Variants in RFC3 observed in about 807,000 individuals in gnomAD.
The protein encoded by RFC3 is A1 38 kDa subunit.
RFC3 carries 41 observed loss-of-function variants against 45.1 expected under a neutral mutation model. The observed-to-expected ratio is 0.91, with a 90% CI of 0.71 to 1.18. The LOEUF (loss-of-function observed/expected upper bound fraction) is 1.18. Among genes scored for constraint, RFC3 ranks in the 50% most tolerant of loss-of-function variants. RFC3 has a pLI of 0.00. For missense variants in RFC3, 423 were observed against 428.1 expected, an observed-to-expected ratio of 0.99 and a Z score of 0.10; for synonymous variants, 149 against 144.0, an observed-to-expected ratio of 1.03 and a Z score of -0.25.
At chr13:33,920,281 C>T (rs879618403) in intron 8 of RFC3, among the ~76,000 whole-genome samples, 1 of 152,094 alleles carries the variant, frequency 6.6e-6, no homozygotes, top group Admixed American at 6.6e-5. Context: ...CAACCAAATA[C>T]CCTCTCAAGA....
At chr13:33,862,872 T>A in intron 8 of RFC3, among the ~76,000 whole-genome samples, 1 of 152,204 alleles carries the variant, frequency 6.6e-6, no homozygotes, top group East Asian at 1.9e-4. Context: ...AAGGCCATCT[T>A]ACTTAGTCCA....
At chr13:33,925,183 CATATAGTGT>C (rs2082797821) in intron 8 of RFC3, among the ~76,000 whole-genome samples, 1 of 136,870 alleles carries the variant, frequency 7.3e-6, no homozygotes, top group Non-Finnish European at 1.5e-5. Context: ...TATACATACA[CATATAGTGT>C]ACTATATACA....
downstream of RFC3, among the ~76,000 whole-genome samples, chr13:33,841,954 C>T (rs969577641): frequency 2.0e-5 from 3 of 152,014 alleles, no homozygotes; most frequent in African/African-American, 7.2e-5. Context: ...TTATTTTCTC[C>T]ATGGTTTTAG....
chr13:33,876,273 C>T (rs778752287), intron 8 of RFC3, among the ~76,000 whole-genome samples: 10 of 152,200 alleles, frequency 6.6e-5, no homozygotes, highest in East Asian at 3.8e-4. Flanking sequence ...GCTAGAGAAG[C>T]GCTTCCGTGG....
At chr13:33,830,099 C>T (rs1203090881) in intron 5 of RFC3, 82 bp downstream of exon 5, 16 of 1,270,534 alleles carry the variant, frequency 1.3e-5, no homozygotes, top group South Asian at 5.2e-5. Context: ...AGAAGGGAAT[C>T]GTATCAGTAA....
chr13:33,900,591 C>T (rs551634677), intron 8 of RFC3, among the ~76,000 whole-genome samples: 1 of 151,682 alleles, frequency 6.6e-6, no homozygotes, highest in South Asian at 2.1e-4. Flanking sequence ...TAGAAGAAAA[C>T]TCTGGGGAAA....
In RFC3 at chr13:33,870,267, GTTTA is replaced by G. The variant is rs772762558; in HGVS notation, c.879+35053_879+35056del. 5.3e-5 allele frequency among the ~76,000 whole-genome samples: 8 copies of G among 152,298 alleles called. No homozygotes were observed. The South Asian group carries it at 1.2e-3, about 24-fold the overall frequency. On this transcript the variant is annotated intron_variant, in intron 8 of 8. Coordinates refer to the RFC3 transcript ENST00000434425. ...CAGTGCCAGGTGCCTGGGTGGGCTT[GTTTA>G]TTCAGAAGAAATGAAACATAAATTG...
At chr13:33,914,075 G>C (rs150447349) in intron 8 of RFC3, among the ~76,000 whole-genome samples, 1 of 152,236 alleles carries the variant, frequency 6.6e-6, no homozygotes, top group African/African-American at 2.4e-5. Context: ...GATTGGAAAT[G>C]ATGATAAAAG....
At position 33,884,555 on chromosome 13, in the gene RFC3, G is replaced by A. The variant is rs145947425; in HGVS notation, c.879+49338G>A. Among the ~76,000 whole-genome samples the A allele has an allele frequency of 1.1e-4, 16 of 152,226 alleles. No homozygotes were observed. The East Asian group carries it at 2.9e-3, about 28-fold the overall frequency. Reference sequence around the variant, plus strand: ...TATGCTGGAGATGAACTGTGTAAGGGTACCAACCCTGTTTTGTTCATAAAG... The same window carrying A: ...TATGCTGGAGATGAACTGTGTAAGGATACCAACCCTGTTTTGTTCATAAAG... On this transcript the variant is annotated intron_variant, in intron 8 of 8. Transcript: ENST00000434425.
chr13:33,961,514 C>A (rs2083056981), intron 8 of RFC3, among the ~76,000 whole-genome samples: 1 of 152,150 alleles, frequency 6.6e-6, no homozygotes. Flanking sequence ...CACATCATAG[C>A]TGTTCAATAT....
At chr13:33,828,349 G>A (rs757196660) in intron 4 of RFC3, among the ~76,000 whole-genome samples, 2 of 151,998 alleles carry the variant, frequency 1.3e-5, no homozygotes, top group Admixed American at 6.6e-5. Flanking sequence ...TTCCTAGCTC[G>A]GCTACCCACA....
intron 8 of RFC3, among the ~76,000 whole-genome samples, chr13:33,891,243 G>A (rs2082561670): frequency 6.6e-6 from 1 of 152,100 alleles, no homozygotes; most frequent in Admixed American, 6.6e-5. Flanking sequence ...CAAAATGCTG[G>A]CAGAAAATCA....
chr13:33,821,404 A>G, intron 2 of RFC3, 135 bp downstream of exon 2: 1 of 824,618 alleles, frequency 1.2e-6, no homozygotes, highest in Non-Finnish European at 1.9e-6. Flanking sequence ...CTTGGGGCAC[A>G]GGATTTGAGA....
chr13:33,830,932 A>G, intron 6 of RFC3, 77 bp downstream of exon 6: 13 of 1,328,960 alleles, frequency 9.8e-6, no homozygotes, highest in Non-Finnish European at 1.4e-5. Flanking sequence ...TTTGTGGAAG[A>G]CAATTTTTCC....
intron 5 of RFC3, among the ~76,000 whole-genome samples, chr13:33,830,323 G>A (rs548080601): frequency 6.6e-6 from 1 of 152,318 alleles, no homozygotes; most frequent in East Asian, 1.9e-4. Context: ...GCTATAAGAG[G>A]AGGCTGGAAT....
At chr13:33,822,290 C>T (rs1044838500) in intron 2 of RFC3, among the ~76,000 whole-genome samples, 7 of 152,156 alleles carry the variant, frequency 4.6e-5, no homozygotes, top group African/African-American at 1.4e-4. Flanking sequence ...AGCATCTTCC[C>T]AGATGGGTGG....
rs73172054 is a variant in RFC3 at position 33,881,624 on chromosome 13, A to G, written c.879+46407A>G. On this transcript the variant is annotated intron_variant, in intron 8 of 8. Coordinates refer to the RFC3 transcript ENST00000434425. Reference sequence around the variant, plus strand: ...CTCTCGGGGGCTATTTCGAGGGTCTATCATCATCAAGAGTCACTCCATCTT... The same window carrying G: ...CTCTCGGGGGCTATTTCGAGGGTCTGTCATCATCAAGAGTCACTCCATCTT... 4.0e-3 allele frequency among the ~76,000 whole-genome samples: 616 copies of G among 152,134 alleles called. 2 individuals carry two copies. Among genetic ancestry groups the G allele is most frequent in the Admixed American group, 6.0e-3 (92 of 15,284 alleles).
At chr13:33,921,556 G>A (rs1330721345) in intron 8 of RFC3, among the ~76,000 whole-genome samples, 2 of 152,120 alleles carry the variant, frequency 1.3e-5, no homozygotes, top group Non-Finnish European at 2.9e-5. Context: ...TTAAGGAGGA[G>A]ATTGCATTTG....
intron 8 of RFC3, among the ~76,000 whole-genome samples, 172 bp from the exon 9 acceptor site, chr13:33,835,932 G>A (rs2082150006): frequency 6.6e-6 from 1 of 152,128 alleles, no homozygotes; most frequent in Admixed American, 6.6e-5. Flanking sequence ...CATGGAAAAA[G>A]TACCCAAAGT....
Sources: allele counts gnomAD v4.1 joint callset (sites outside exome capture counted in the v4.1 genomes callset), GRCh38; gene constraint gnomAD v4.1.1; transcripts MANE v1.5; gene names NCBI Gene and HGNC (gene_info 2026-07-23, HGNC 2026-07-21).